Variants in ZDHHC11B observed in about 807,000 individuals in gnomAD.
The protein encoded by ZDHHC11B is probable palmitoyltransferase ZDHHC11B.
In ZDHHC11B, 17 loss-of-function variants were observed where a neutral mutation model predicts 42.3. The observed-to-expected ratio is 0.40, with a 90% confidence interval of 0.27 to 0.60. The LOEUF (loss-of-function observed/expected upper bound fraction) is 0.60. Ranked by LOEUF, ZDHHC11B falls within the 20% of genes least tolerant of loss-of-function variation. ZDHHC11B has a pLI of 0.41. For missense variants in ZDHHC11B, 262 were observed against 463.2 expected (o/e 0.57, Z 3.99); for synonymous variants, 123 against 193.5 (o/e 0.64, Z 3.02).
chr5:719,292 C>CACTCA (rs1400508846), intron 12 of ZDHHC11B, among the ~76,000 whole-genome samples: 9 of 151,444 alleles, frequency 5.9e-5, no homozygotes, highest in African/African-American at 2.2e-4. Flanking sequence ...TAATATGGCC[C>CACTCA]ACTCACAGGG....
chr5:759,319 G>A (rs1172694577), intron 4 of ZDHHC11B, among the ~76,000 whole-genome samples: 1 of 151,920 alleles, frequency 6.6e-6, no homozygotes, highest in African/African-American at 2.4e-5. Context: ...CAGGAAAAGA[G>A]AGGAGGTGGA....
intron 12 of ZDHHC11B, among the ~76,000 whole-genome samples, chr5:717,429 G>A (rs1230708705): frequency 2.0e-5 from 3 of 151,686 alleles, no homozygotes; most frequent in Admixed American, 2.0e-4. Context: ...CAGAGGGTTG[G>A]GGATCCGGCT....
chr5:728,671 T>G (rs1158062927), intron 12 of ZDHHC11B, among the ~76,000 whole-genome samples: 19 of 152,104 alleles, frequency 1.2e-4, no homozygotes, highest in African/African-American at 4.6e-4. Flanking sequence ...ACAATCAGCA[T>G]GTAATAAGGT....
At chr5:721,380 A>G (rs1742173691) in intron 12 of ZDHHC11B, among the ~76,000 whole-genome samples, 2 of 151,592 alleles carry the variant, frequency 1.3e-5, no homozygotes, top group South Asian at 4.2e-4. Flanking sequence ...ATATATATAG[A>G]TAGATAGATA....
At chr5:728,590 G>T (rs1308574690) in intron 12 of ZDHHC11B, among the ~76,000 whole-genome samples, 2 of 151,992 alleles carry the variant, frequency 1.3e-5, no homozygotes, top group Non-Finnish European at 2.9e-5. Flanking sequence ...ATGCCATATT[G>T]TTGAAGAAAT....
intron 4 of ZDHHC11B, among the ~76,000 whole-genome samples, chr5:760,775 A>C (rs1391150019): frequency 6.6e-6 from 1 of 151,824 alleles, no homozygotes; most frequent in African/African-American, 2.4e-5. Flanking sequence ...TGAGACTCAG[A>C]GTCCACATGT....
At chr5:757,353 A>ACG (rs1561170950) in intron 4 of ZDHHC11B, among the ~76,000 whole-genome samples, 10 of 151,594 alleles carry the variant, frequency 6.6e-5, no homozygotes, top group Non-Finnish European at 8.9e-5. Context: ...AAAGCCACGT[A>ACG]GGGATTTTAG....
intron 12 of ZDHHC11B, among the ~76,000 whole-genome samples, chr5:717,849 G>C (rs1311969100): frequency 6.6e-6 from 1 of 151,726 alleles, no homozygotes; most frequent in East Asian, 1.9e-4. Flanking sequence ...GTGATTAGCT[G>C]GGGGACTTGT....
chr5:733,867 C>A, intron 10 of ZDHHC11B, 28 bp from the exon 11 acceptor site: 1 of 1,584,614 alleles, frequency 6.3e-7, no homozygotes, highest in Non-Finnish European at 8.6e-7. Context: ...AGGAGAGAAA[C>A]TCATCTCAGC....
intron 1 of ZDHHC11B, among the ~76,000 whole-genome samples, chr5:771,582 C>A (rs677676): frequency 1 from 150,857 of 151,066 alleles, 75,325 homozygotes; most frequent in Middle Eastern, 1. Context: ...AGCCAGGAAC[C>A]GTTTCCAGTT....
At chr5:769,855 C>T (rs1261680897) in intron 1 of ZDHHC11B, among the ~76,000 whole-genome samples, 1 of 151,966 alleles carries the variant, frequency 6.6e-6, no homozygotes, top group East Asian at 1.9e-4. Flanking sequence ...GTGAACCCTT[C>T]CTGATGCTAG....
intron 13 of ZDHHC11B, 43 bp downstream of exon 13, chr5:716,758 C>G (rs777259047): frequency 6.2e-7 from 1 of 1,609,388 alleles, no homozygotes; most frequent in East Asian, 2.2e-5. Context: ...GAGAACCAAA[C>G]TTGGGTAGAT....
At position 766,821 on chromosome 5, in the gene ZDHHC11B, G is replaced by C; in HGVS notation, c.99C>G (p.Gly33=). The C allele has an allele frequency of 6.2e-7, 1 of 1,612,788 alleles. No individual in the cohort carries two copies. Among genetic ancestry groups the C allele is most frequent in the South Asian group, 1.1e-5 (1 of 90,930 alleles). ...GGAAGTAGTGCAGGGGTAACGACCA[G>C]CCGTTCACTCTGGAGATGCGGGGCG... ...VLPPRISRVN[G]WSLPLHYFRV... Residue 33 remains glycine, a synonymous_variant, in exon 4 of 14, where the codon GGC becomes GGG. Coordinates refer to ENST00000508859, the MANE Select transcript of ZDHHC11B (RefSeq NM_001351303.2).
At chr5:767,015 C>T in intron 3 of ZDHHC11B, 96 bp from the exon 4 acceptor site, 2 of 1,413,414 alleles carry the variant, frequency 1.4e-6, no homozygotes, top group South Asian at 1.3e-5. Context: ...GGAACATGGC[C>T]CCCAGGACCA....
At position 741,780 on chromosome 5, in the gene ZDHHC11B, C is replaced by T. The variant is rs547764036; in HGVS notation, c.901-152G>A. Among the ~76,000 whole-genome samples the T allele has an allele frequency of 5.1e-4, 75 of 147,176 alleles. 5 individuals carry two copies. Among genetic ancestry groups the T allele is most frequent in the Admixed American group, 8.4e-4 (12 of 14,244 alleles). ...TGAGTTCAGATCTCAGAACCACTTA[C>T]GTGTGCACGTGTTTTCATTTCTCTC... On this transcript the variant is annotated intron_variant, in intron 9 of 13. Transcript: ENST00000508859.
intron 1 of ZDHHC11B, among the ~76,000 whole-genome samples, chr5:771,944 G>A (rs1165638273): frequency 2.0e-5 from 3 of 150,200 alleles, no homozygotes; most frequent in Non-Finnish European, 3.0e-5. Flanking sequence ...CCACCTTCAG[G>A]GCTCACGCAG....
chr5:714,347 G>C (rs1741589667), intron 13 of ZDHHC11B, among the ~76,000 whole-genome samples: 2 of 144,050 alleles, frequency 1.4e-5, no homozygotes, highest in Non-Finnish European at 3.0e-5. Flanking sequence ...CTTTTCTAGA[G>C]ATAGGAGTGA....
intron 10 of ZDHHC11B, among the ~76,000 whole-genome samples, chr5:735,729 G>A (rs1213861918): frequency 6.7e-6 from 1 of 148,966 alleles, no homozygotes; most frequent in African/African-American, 2.5e-5. Flanking sequence ...TTTCCTAAAT[G>A]AAGTAGAAAA....
intron 1 of ZDHHC11B, among the ~76,000 whole-genome samples, chr5:772,843 G>A (rs1222589479): frequency 5.9e-5 from 9 of 151,896 alleles, no homozygotes; most frequent in African/African-American, 2.2e-4. Flanking sequence ...GTGGGGACTC[G>A]CCTCAGAGCC....
Sources: gnomAD v4.1 joint callset for allele counts (sites outside exome capture counted in the v4.1 genomes callset) on GRCh38, gnomAD v4.1.1 for gene constraint, MANE v1.5 for transcripts, NCBI Gene and HGNC (gene_info 2026-07-23, HGNC 2026-07-21) for gene names.